EXOC6: variants seen among roughly 807,000 people sequenced by gnomAD.
EXOC6 encodes exocyst complex component 6, also known as SEC15-like 1.
EXOC6 carries 60 observed loss-of-function variants against 112.5 expected under a neutral mutation model. The ratio of observed to expected loss-of-function variants is 0.53; its 90% CI spans 0.43 to 0.66. The LOEUF is 0.66. Among genes scored for constraint, EXOC6 ranks in the 30% least tolerant of loss-of-function variants. The probability of loss-of-function intolerance (pLI) is 0.00; values close to 1 mark genes in which losing one functional copy is unlikely to be tolerated. For missense variants in EXOC6, 855 were observed against 957.1 expected, an observed-to-expected ratio of 0.89 and a Z score of 1.41; for synonymous variants, 295 against 308.0, an observed-to-expected ratio of 0.96 and a Z score of 0.44.
chr10:92,925,893 C>A (rs1274455599), intron 8 of EXOC6, among the ~76,000 whole-genome samples: 2 of 151,922 alleles, frequency 1.3e-5, no homozygotes, highest in African/African-American at 4.8e-5. Context: ...GAACTCCTGG[C>A]CTTGAGCAAT....
chr10:92,989,245 T>C (rs1312277863), intron 18 of EXOC6, among the ~76,000 whole-genome samples: 3 of 152,224 alleles, frequency 2.0e-5, no homozygotes, highest in Non-Finnish European at 2.9e-5. Context: ...AACATGAAGG[T>C]CATTTTCTTG....
intron 1 of EXOC6, among the ~76,000 whole-genome samples, chr10:92,880,423 C>T (rs530211705): frequency 3.3e-5 from 5 of 152,036 alleles, no homozygotes; most frequent in South Asian, 2.1e-4. Flanking sequence ...TACAGAGGGC[C>T]GACTGTACTT....
At position 93,059,340 on chromosome 10, in the gene EXOC6, G is replaced by A. The variant is rs1450507060; in HGVS notation, c.*985G>A. On this transcript the variant is annotated 3_prime_UTR_variant, in exon 22 of 22. Transcript: ENST00000260762. ...TAAATCCAGTCTTTATTCTCCCTTT[G>A]TTGTATTTATGCTGAATCTTCCCTT... 2 of 152,158 alleles carry A rather than the reference G, an allele frequency of 1.3e-5. No homozygotes were observed. The highest frequency in any genetic ancestry group is 3.8e-4 in the East Asian group (2 of 5,196). 9.4% of individuals were successfully genotyped at this position (152,158 alleles called of 1,614,324 possible). A position where few individuals can be genotyped will look rare whatever the true frequency, so the allele number is the denominator to read the frequency against.
chr10:93,050,900 ACAAAT>A (rs1285084394), intron 20 of EXOC6, among the ~76,000 whole-genome samples: 1 of 152,044 alleles, frequency 6.6e-6, no homozygotes, highest in Non-Finnish European at 1.5e-5. Context: ...AACACAAAAA[ACAAAT>A]AAGTAAGGAG....
chr10:92,925,736 T>C (rs1031575721), intron 8 of EXOC6, among the ~76,000 whole-genome samples: 2 of 152,176 alleles, frequency 1.3e-5, no homozygotes, highest in African/African-American at 2.4e-5. Flanking sequence ...CATAGCTCAC[T>C]GCTGCTTTGA....
At chr10:93,029,681 G>T (rs1845186384) in intron 20 of EXOC6, among the ~76,000 whole-genome samples, 1 of 152,060 alleles carries the variant, frequency 6.6e-6, no homozygotes. Flanking sequence ...TTAATGTCCT[G>T]TTTAAGAAAT....
intron 20 of EXOC6, among the ~76,000 whole-genome samples, chr10:93,023,335 A>G (rs1475100208): frequency 1.3e-5 from 2 of 152,192 alleles, no homozygotes; most frequent in Admixed American, 6.5e-5. Context: ...TTGGGACTCT[A>G]TGAGAGACTA....
intron 17 of EXOC6, among the ~76,000 whole-genome samples, chr10:92,970,652 G>C (rs1842258666): frequency 6.6e-6 from 1 of 152,150 alleles, no homozygotes; most frequent in Non-Finnish European, 1.5e-5. Flanking sequence ...ACTTTCTTCT[G>C]TAGTTGAGGG....
chr10:92,948,338 G>A lies in EXOC6; in HGVS notation c.1375G>A (p.Val459Ile). The A allele has an allele frequency of 6.2e-7, 1 of 1,608,558 alleles. No homozygotes were observed. Among genetic ancestry groups the A allele is most frequent in the Non-Finnish European group, 8.5e-7 (1 of 1,177,930 alleles). The change falls in exon 14 of 22, where the codon GTC becomes ATC. Residue 459 changes from valine to isoleucine, a missense_variant. Val to Ile is a conservative substitution (Grantham distance 29). This residue lies in a region of EXOC6 where 450 missense variants were observed against 563.5 expected (regional missense o/e 0.80). Coordinates refer to ENST00000260762, the MANE Select transcript of EXOC6 (RefSeq NM_019053.6). ...PVVNEEEYKIVISKFPFQDPD... is the reference protein window; with the variant it reads ...PVVNEEEYKIIISKFPFQDPD... ...TGTCAATGAAGAAGAATATAAAATT[G>A]TCATCAGCAAATTTCCCTTTCAAGA...
At chr10:92,855,546 T>TCAAA (rs1847559048) in intron 1 of EXOC6, among the ~76,000 whole-genome samples, 1 of 152,166 alleles carries the variant, frequency 6.6e-6, no homozygotes, top group Non-Finnish European at 1.5e-5. Flanking sequence ...TTTTCTTTGT[T>TCAAA]GGGAAGTTTT....
chr10:92,974,329 G>C, intron 18 of EXOC6, 97 bp downstream of exon 18: 2 of 628,418 alleles, frequency 3.2e-6, no homozygotes, highest in Non-Finnish European at 2.5e-6. Flanking sequence ...CAACTTCTTG[G>C]AGTGCATGTT....
At chr10:92,987,561 T>G (rs1431646488) in intron 18 of EXOC6, 1 of 878,942 alleles carries the variant, frequency 1.1e-6, no homozygotes, top group Non-Finnish European at 1.4e-6. Flanking sequence ...TCTGCTGTGA[T>G]TAGAATACAT....
At chr10:92,994,996 T>A (rs928405845) in intron 18 of EXOC6, among the ~76,000 whole-genome samples, 10 of 152,104 alleles carry the variant, frequency 6.6e-5, no homozygotes, top group Middle Eastern at 3.4e-3. Context: ...ATATAACTTT[T>A]AAAAATTTTA....
intron 1 of EXOC6, among the ~76,000 whole-genome samples, chr10:92,858,022 T>TGC (rs1554882161): frequency 9.9e-6 from 1 of 101,272 alleles, no homozygotes; most frequent in African/African-American, 3.6e-5. Context: ...GTTGACGGGT[T>TGC]CCCCCCCTCC....
intron 19 of EXOC6, among the ~76,000 whole-genome samples, chr10:93,012,123 C>A (rs1027107524): frequency 6.6e-6 from 1 of 152,108 alleles, no homozygotes; most frequent in Non-Finnish European, 1.5e-5. Context: ...CTCAAAGGAA[C>A]GTGTATAAAA....
intron 19 of EXOC6, among the ~76,000 whole-genome samples, chr10:93,005,856 A>G (rs1843952811): frequency 6.6e-6 from 1 of 152,176 alleles, no homozygotes; most frequent in Admixed American, 6.5e-5. Flanking sequence ...GTCTTTCTTA[A>G]TTTTTGGATA....
chr10:93,014,108 A>G (rs1472932539), intron 19 of EXOC6, 86 bp from the exon 20 acceptor site: 1 of 971,274 alleles, frequency 1.0e-6, no homozygotes, highest in African/African-American at 1.6e-5. Context: ...TAATGCATTT[A>G]TAATGAGTAG....
At chr10:92,924,911 A>G (rs975197293) in intron 8 of EXOC6, among the ~76,000 whole-genome samples, 7 of 152,156 alleles carry the variant, frequency 4.6e-5, no homozygotes, top group Admixed American at 6.5e-5. Context: ...ATGAGTGAGA[A>G]CATGCAGTAT....
chr10:92,909,332 A>G, intron 5 of EXOC6, 95 bp from the exon 6 acceptor site: 2 of 811,238 alleles, frequency 2.5e-6, no homozygotes, highest in East Asian at 2.7e-5. Flanking sequence ...GTCCTTTTTG[A>G]TGAATAATCA....
Sources: allele counts gnomAD v4.1 joint callset (sites outside exome capture counted in the v4.1 genomes callset), GRCh38; gene constraint gnomAD v4.1.1; regional missense constraint gnomAD v4.1.1; transcripts MANE v1.5; gene names NCBI Gene and HGNC (gene_info 2026-07-23, HGNC 2026-07-21).